SYBU: variants seen among roughly 807,000 people sequenced by gnomAD.
The protein encoded by SYBU is syntabulin.
Under a neutral mutation model 35.9 loss-of-function variants are expected in SYBU, and 21 were observed. That is an observed-to-expected ratio of 0.58 (90% CI 0.41 to 0.84). SYBU has a LOEUF of 0.84. Ranked by LOEUF, SYBU falls within the 40% of genes least tolerant of loss-of-function variation. The pLI, the probability that SYBU is intolerant of heterozygous loss-of-function variation, is 0.00. For synonymous variants in SYBU, 319 were observed against 324.3 expected, an observed-to-expected ratio of 0.98 and a Z score of 0.18; for missense variants, 768 against 848.2, an observed-to-expected ratio of 0.91 and a Z score of 1.17.
Position 109,668,485 on chromosome 8 carries a change from G to A in SYBU, c.-129+12226C>T, listed in dbSNP as rs139575966. On this transcript the variant is annotated intron_variant, in intron 1 of 5. Transcript: ENST00000408889. ...TAATTTAACTATATTACTATGACTT[G>A]CTTTCCTTAAAACCTAAACCAACAC... 9.2e-5 allele frequency among the ~76,000 whole-genome samples: 14 copies of A among 152,252 alleles called. No individual in the cohort carries two copies. The East Asian group carries it at 2.7e-3, about 29-fold the overall frequency.
Position 109,575,506 on chromosome 8 carries a change from CCCAGGGGTGGAATGCACAAGCT to C in SYBU, c.1370_1391del (p.Glu457GlyfsTer10), listed in dbSNP as rs1456013605. On this transcript the variant is annotated frameshift_variant, in exon 7 of 7. Transcript: ENST00000276646. LOFTEE classifies it low-confidence loss of function (END_TRUNC). ...TGGGCAGCAGCTCCAGGACGTTAGC[CCCAGGGGTGGAATGCACAAGCT>C]CCAGGTCACCAGATTCTGTGGTGGT... is the stretch of plus-strand genomic sequence containing the variant. The C allele has an allele frequency of 6.2e-7, 1 of 1,613,974 alleles. No homozygotes were observed. Among genetic ancestry groups the C allele is most frequent in the Non-Finnish European group, 8.5e-7 (1 of 1,180,018 alleles).
At position 109,663,704 on chromosome 8, in the gene SYBU, A is replaced by AT. The variant is rs1007406964; in HGVS notation, c.-129+17006dup. On this transcript the variant is annotated intron_variant, in intron 1 of 5. Transcript: ENST00000408889. ...ATGTTCTCTTTTTTTTCATTTTCTA[A>AT]TTTTCTAATAATCTATTTGACCCTA... is the stretch of plus-strand genomic sequence containing the variant. 1.3e-3 allele frequency among the ~76,000 whole-genome samples: 191 copies of AT among 150,916 alleles called. 1 individual carries two copies. Among genetic ancestry groups the AT allele is most frequent in the African/African-American group, 4.4e-3 (179 of 41,106 alleles).
intron 2 of SYBU, among the ~76,000 whole-genome samples, chr8:109,620,497 TCA>T (rs2130383596): frequency 6.6e-6 from 1 of 152,330 alleles, no homozygotes; most frequent in African/African-American, 2.4e-5. Context: ...GGCCTTTATT[TCA>T]TTTTTCAATT....
chr8:109,615,682 G>A (rs1383265403), intron 3 of SYBU, among the ~76,000 whole-genome samples: 3 of 152,118 alleles, frequency 2.0e-5, no homozygotes, highest in Non-Finnish European at 4.4e-5. Context: ...AACTGCTCAG[G>A]TGATATTTAT....
At chr8:109,635,091 A>G (rs1814070093) in intron 2 of SYBU, among the ~76,000 whole-genome samples, 1 of 152,112 alleles carries the variant, frequency 6.6e-6, no homozygotes, top group Non-Finnish European at 1.5e-5. Flanking sequence ...AGTTGTCTAT[A>G]CTTTGTTACC....
chr8:109,624,965 G>A (rs898522400), intron 2 of SYBU, among the ~76,000 whole-genome samples: 4 of 152,100 alleles, frequency 2.6e-5, no homozygotes, highest in East Asian at 1.9e-4. Context: ...GCTATCTGGC[G>A]CTTTATAGAA....
At chr8:109,613,716 G>A (rs2130280249) in intron 3 of SYBU, among the ~76,000 whole-genome samples, 1 of 152,346 alleles carries the variant, frequency 6.6e-6, no homozygotes, top group Admixed American at 6.5e-5. Context: ...TAACTTTGAA[G>A]TGAAAGTGAT....
chr8:109,654,684 C>G (rs1816283648), intron 1 of SYBU, among the ~76,000 whole-genome samples: 1 of 152,192 alleles, frequency 6.6e-6, no homozygotes, highest in African/African-American at 2.4e-5. Flanking sequence ...TTATATCTCA[C>G]AGGGTCCACA....
chr8:109,658,577 T>G (rs1816442240), intron 1 of SYBU, among the ~76,000 whole-genome samples: 1 of 152,206 alleles, frequency 6.6e-6, no homozygotes, highest in African/African-American at 2.4e-5. Flanking sequence ...CTCTCTTCAT[T>G]TAGATATTGG....
chr8:109,586,368 A>C, intron 3 of SYBU: 1 of 558,544 alleles, frequency 1.8e-6, no homozygotes, highest in Non-Finnish European at 3.2e-6. Context: ...AAACACAGCT[A>C]AGATGCACAG....
At chr8:109,651,663 C>T (rs1816147502) in intron 1 of SYBU, among the ~76,000 whole-genome samples, 1 of 151,926 alleles carries the variant, frequency 6.6e-6, no homozygotes, top group Non-Finnish European at 1.5e-5. Context: ...GTTCATAATA[C>T]AGTTATAGGG....
At position 109,668,165 on chromosome 8, in the gene SYBU, G is replaced by GGAGAGAGAGAGA. The variant is rs60330422; in HGVS notation, c.-129+12534_-129+12545dup. 8.2e-3 allele frequency among the ~76,000 whole-genome samples: 734 copies of GGAGAGAGAGAGA among 89,026 alleles called. 34 individuals carry two copies. Among genetic ancestry groups the GGAGAGAGAGAGA allele is most frequent in the Middle Eastern group, 0.022 (2 of 90 alleles). 58.4% of individuals were successfully genotyped at this position (89,026 alleles called of 152,430 possible). A position where few individuals can be genotyped will look rare whatever the true frequency, so the allele number is the denominator to read the frequency against. On this transcript the variant is annotated intron_variant, in intron 1 of 5. Coordinates refer to the SYBU transcript ENST00000408889. ...GAAGAAGAGGCAGAGGGGGAGAGGGGGAGAGAGAGAGAGAGAGAGAGAGAG... is the reference window on the plus strand; with the variant it reads ...GAAGAAGAGGCAGAGGGGGAGAGGGGGAGAGAGAGAGAGAGAGAGAGAGAGAGAGAGAGAGAG...
At chr8:109,667,147 G>A (rs1301475977) in intron 1 of SYBU, among the ~76,000 whole-genome samples, 3 of 151,972 alleles carry the variant, frequency 2.0e-5, no homozygotes, top group African/African-American at 7.3e-5. Context: ...GACAGAGTCT[G>A]GCTCTGTCGC....
At chr8:109,668,167 A>AGAGAGAGAAAGGG (rs1364618445) in intron 1 of SYBU, among the ~76,000 whole-genome samples, 1,367 of 115,526 alleles carry the variant, frequency 0.012, 103 homozygotes, top group African/African-American at 0.04. Context: ...GGAGAGGGGG[A>AGAGAGAGAAAGGG]GAGAGAGAGA....
chr8:109,664,818 G>A (rs1479947760), intron 1 of SYBU, among the ~76,000 whole-genome samples: 1 of 152,138 alleles, frequency 6.6e-6, no homozygotes, highest in African/African-American at 2.4e-5. Context: ...GGAAGTAGAA[G>A]GTTGCTGGAG....
At chr8:109,589,520 G>A (rs796549908) in intron 3 of SYBU, among the ~76,000 whole-genome samples, 3 of 152,304 alleles carry the variant, frequency 2.0e-5, no homozygotes, top group African/African-American at 4.8e-5. Context: ...TGGTGACTAA[G>A]CATCCTGCTG....
intron 2 of SYBU, among the ~76,000 whole-genome samples, chr8:109,640,225 C>G (rs558235260): frequency 6.6e-6 from 1 of 152,210 alleles, no homozygotes; most frequent in African/African-American, 2.4e-5. Flanking sequence ...ATAGCCTTAG[C>G]CAGAGACAGG....
At chr8:109,664,980 G>T (rs1042405726) in intron 1 of SYBU, among the ~76,000 whole-genome samples, 1 of 152,134 alleles carries the variant, frequency 6.6e-6, no homozygotes, top group East Asian at 1.9e-4. Context: ...TCCCTTCATT[G>T]ATATCCTTTT....
intron 1 of SYBU, among the ~76,000 whole-genome samples, chr8:109,659,919 T>G (rs1267634347): frequency 6.6e-6 from 1 of 152,160 alleles, no homozygotes; most frequent in Admixed American, 6.5e-5. Flanking sequence ...ATTTATTATG[T>G]GCAAATATAA....
Sources: gnomAD v4.1 joint callset for allele counts (sites outside exome capture counted in the v4.1 genomes callset) on GRCh38, gnomAD v4.1.1 for gene constraint, MANE v1.5 for transcripts, NCBI Gene and HGNC (gene_info 2026-07-23, HGNC 2026-07-21) for gene names.